The following ARK2C variants were observed in gnomAD, a reference collection of about 807,000 sequenced individuals.
ARK2C encodes arkadia (RNF111) C-terminal like ring finger ubiquitin ligase 2C.
chr18:46,362,701 C>T, the ARK2C span, among the ~76,000 whole-genome samples: 1 of 152,222 alleles, frequency 6.6e-6, no homozygotes, highest in Admixed American at 6.5e-5. Flanking sequence ...AAGAATAATG[C>T]CCTGCGACAA....
At chr18:46,426,387 A>G in the ARK2C span, among the ~76,000 whole-genome samples, 3 of 151,524 alleles carry the variant, frequency 2.0e-5, no homozygotes, top group East Asian at 3.9e-4. Context: ...TCCCTCCCCT[A>G]TGGGTTCTTC....
the ARK2C span, among the ~76,000 whole-genome samples, chr18:46,351,162 C>A: frequency 6.6e-6 from 1 of 152,218 alleles, no homozygotes; most frequent in East Asian, 1.9e-4. Flanking sequence ...CCTGGAAGAT[C>A]ACCCTGCCAA....
the ARK2C span, among the ~76,000 whole-genome samples, chr18:46,427,179 C>T: frequency 1.3e-5 from 2 of 152,236 alleles, no homozygotes; most frequent in African/African-American, 4.8e-5. Flanking sequence ...GAAGCACAGC[C>T]TCCCAGAAGG....
At chr18:46,359,725 G>C in the ARK2C span, among the ~76,000 whole-genome samples, 1,252 of 152,294 alleles carry the variant, frequency 8.2e-3, 7 homozygotes, top group Non-Finnish European at 0.013. Context: ...CAAAGACCCA[G>C]GCTCCTTCTA....
At chr18:46,344,279 G>A in the ARK2C span, among the ~76,000 whole-genome samples, 2 of 152,190 alleles carry the variant, frequency 1.3e-5, no homozygotes, top group Non-Finnish European at 2.9e-5. Context: ...AGGGCAGGAA[G>A]CGTTGGAACA....
At chr18:46,370,015 G>A in the ARK2C span, among the ~76,000 whole-genome samples, 1 of 152,202 alleles carries the variant, frequency 6.6e-6, no homozygotes, top group Non-Finnish European at 1.5e-5. Flanking sequence ...GGACTCTGGG[G>A]GCCATAACAG....
chr18:46,445,796 A>T, the ARK2C span, among the ~76,000 whole-genome samples: 1 of 152,216 alleles, frequency 6.6e-6, no homozygotes, highest in South Asian at 2.1e-4. Context: ...CAGAGATTTC[A>T]TATATTCTGT....
At chr18:46,356,587 A>G in the ARK2C span, among the ~76,000 whole-genome samples, 2 of 152,130 alleles carry the variant, frequency 1.3e-5, no homozygotes, top group Admixed American at 1.3e-4. Flanking sequence ...CCTCCAGATC[A>G]GGGACTAACT....
the ARK2C span, among the ~76,000 whole-genome samples, chr18:46,338,251 A>G: frequency 6.6e-6 from 1 of 152,214 alleles, no homozygotes; most frequent in Non-Finnish European, 1.5e-5. Flanking sequence ...TTCTATGTGC[A>G]TATTTAAATT....
At chr18:46,334,868 C>T in the ARK2C span, 1 of 174,558 alleles carries the variant, frequency 5.7e-6, no homozygotes, top group Non-Finnish European at 1.2e-5. The surrounding 1 kb of genome is among the most constrained non-coding windows in gnomAD (Gnocchi z 4.4). Flanking sequence ...GGGTCTCTGC[C>T]CTATCCCATG....
the ARK2C span, among the ~76,000 whole-genome samples, chr18:46,414,807 G>A: frequency 6.6e-6 from 1 of 152,152 alleles, no homozygotes; most frequent in East Asian, 1.9e-4. Context: ...TCTGGGAAAG[G>A]CCATATGAGT....
the ARK2C span, among the ~76,000 whole-genome samples, chr18:46,349,091 A>C: frequency 6.6e-6 from 1 of 152,128 alleles, no homozygotes; most frequent in Non-Finnish European, 1.5e-5. Context: ...AAAGGCCATA[A>C]AAGGGAACTC....
chr18:46,335,778 TA>T, the ARK2C span: 1 of 491,348 alleles, frequency 2.0e-6, no homozygotes, highest in Non-Finnish European at 2.6e-6. Flanking sequence ...CCCCAGAACC[TA>T]AAAGGCAAGC....
the ARK2C span, among the ~76,000 whole-genome samples, chr18:46,412,003 C>G: frequency 1.6e-4 from 25 of 152,330 alleles, no homozygotes; most frequent in African/African-American, 6.0e-4. Flanking sequence ...GTAATTGGAT[C>G]TGACTTGCAG....
chr18:46,407,912 C>A, the ARK2C span, among the ~76,000 whole-genome samples: 1 of 152,134 alleles, frequency 6.6e-6, no homozygotes, highest in Non-Finnish European at 1.5e-5. Flanking sequence ...AGATTGGTGG[C>A]GTCTTCAGGA....
At chr18:46,426,493 C>T in the ARK2C span, among the ~76,000 whole-genome samples, 11 of 152,176 alleles carry the variant, frequency 7.2e-5, no homozygotes, top group Non-Finnish European at 1.2e-4. Flanking sequence ...GGGCGTCAGG[C>T]GAGCCCAGCA....
chr18:46,396,932 C>G, the ARK2C span, among the ~76,000 whole-genome samples: 1 of 152,256 alleles, frequency 6.6e-6, no homozygotes, highest in East Asian at 1.9e-4. Flanking sequence ...TGTGCCTGGG[C>G]AGCCTGGGGG....
chr18:46,409,882 T>G, the ARK2C span, among the ~76,000 whole-genome samples: 1 of 152,226 alleles, frequency 6.6e-6, no homozygotes, highest in Non-Finnish European at 1.5e-5. Flanking sequence ...TCCAGTCTTT[T>G]GTACTTACCA....
At chr18:46,450,372 A>T in the ARK2C span, 1 of 1,613,794 alleles carries the variant, frequency 6.2e-7, no homozygotes, top group Non-Finnish European at 8.5e-7. Context: ...CCCAGCAGAC[A>T]CACCTCCGCC....
Sources: gnomAD v4.1 joint callset for allele counts (sites outside exome capture counted in the v4.1 genomes callset) on GRCh38, gnomAD v4.1.1 for gene constraint, Gnocchi (gnomAD v3.1) non-coding constraint, MANE v1.5 for transcripts, NCBI Gene and HGNC (gene_info 2026-07-23, HGNC 2026-07-21) for gene names.